The following XDH variants were observed in gnomAD, a reference collection of about 807,000 sequenced individuals.
XDH encodes the protein xanthine dehydrogenase/oxidase.
A neutral mutation model predicts 156.1 loss-of-function variants in XDH; 138 were observed. The ratio of observed to expected loss-of-function variants is 0.88; its 90% CI spans 0.77 to 1.02. The LOEUF (loss-of-function observed/expected upper bound fraction) is 1.02. Ranked by LOEUF, XDH falls within the 50% of genes least tolerant of loss-of-function variation. The pLI is 0.00. For missense variants in XDH, 1,849 were observed against 1,684.9 expected (o/e 1.10, Z -1.71); for synonymous variants, 669 against 625.7 (o/e 1.07, Z -1.03).
intron 15 of XDH, 130 bp from the exon 16 acceptor site, chr2:31,374,086 C>T: frequency 2.1e-6 from 2 of 941,556 alleles, no homozygotes; most frequent in Non-Finnish European, 3.3e-6. Context: ...CCTTTGAGTG[C>T]TGGCTGGATC....
At chr2:31,398,747 AG>A in intron 4 of XDH, 48 bp from the exon 5 acceptor site, 1 of 1,610,526 alleles carries the variant, frequency 6.2e-7, no homozygotes, top group Non-Finnish European at 8.5e-7. Flanking sequence ...GAACCCTCCC[AG>A]GCTCCCCAAA....
intron 24 of XDH, among the ~76,000 whole-genome samples, chr2:31,360,483 A>C (rs761115906): frequency 2.4e-4 from 36 of 152,188 alleles, no homozygotes; most frequent in Non-Finnish European, 4.7e-4. Flanking sequence ...CCTGGGTGAC[A>C]GAGTGAGACT....
At position 31,335,571 on chromosome 2, in the gene XDH, G is replaced by A; in HGVS notation, c.*387C>T. 1 of 318,412 alleles carries A rather than the reference G, an allele frequency of 3.1e-6. No homozygotes were observed. The highest frequency in any genetic ancestry group is 3.3e-5 in the South Asian group (1 of 30,514). The allele number at this position is 318,412 out of a possible 1,614,324, so 19.7% of individuals were successfully genotyped here. ...AGGCACACGATTTAAAGTAACTTCG[G>A]TTTAAGCTTCTAGAGGTTTGTGGGA... On this transcript the variant is annotated 3_prime_UTR_variant, in exon 36 of 36. Transcript: ENST00000379416.
chr2:31,355,879 C>G (rs951894787), intron 24 of XDH, among the ~76,000 whole-genome samples: 1 of 152,068 alleles, frequency 6.6e-6, no homozygotes, highest in African/African-American at 2.4e-5. Context: ...TCAAGAAAAT[C>G]ACTTCAAATA....
Position 31,401,269 on chromosome 2 carries a change from G to C in XDH, c.257C>G (p.Thr86Arg). 1 of 1,614,168 alleles carries C rather than the reference G, an allele frequency of 6.2e-7. No homozygotes were observed. Among genetic ancestry groups the C allele is most frequent in the East Asian group, 2.2e-5 (1 of 44,880 alleles). Residue 86 changes from threonine (T) to arginine (R), a missense_variant, in exon 4 of 36, where the codon ACA becomes AGA. Coordinates refer to ENST00000379416, the MANE Select transcript of XDH (RefSeq NM_000379.4). ...PICSLHHVAV[T>R]TVEGIGSTKT... ...GGTGCTTCCTATTCCTTCCACAGTT[G>C]TCACTGCAACATGGTGCAAGGAGCA...
chr2:31,341,708 T>G (rs778602875), intron 32 of XDH, among the ~76,000 whole-genome samples: 2 of 152,192 alleles, frequency 1.3e-5, no homozygotes, highest in Non-Finnish European at 2.9e-5. Flanking sequence ...GCTTTGAATC[T>G]GAGTCTGGGT....
chr2:31,365,237 T>A (rs1388013411), intron 23 of XDH, among the ~76,000 whole-genome samples: 1 of 152,196 alleles, frequency 6.6e-6, no homozygotes, highest in African/African-American at 2.4e-5. Flanking sequence ...TCCACAGAAG[T>A]CACGAATGCC....
chr2:31,360,782 AGT>A (rs1685756597), intron 24 of XDH, among the ~76,000 whole-genome samples: 1 of 148,652 alleles, frequency 6.7e-6, no homozygotes, highest in African/African-American at 2.6e-5. Context: ...CAAGGGGTTC[AGT>A]ACTATCTGAG....
chr2:31,371,011 C>T (rs1462924815), intron 17 of XDH, among the ~76,000 whole-genome samples: 5 of 152,186 alleles, frequency 3.3e-5, no homozygotes, highest in South Asian at 2.1e-4. Context: ...ACATGGAGCC[C>T]GGCTGTGCCA....
At chr2:31,366,186 A>G (rs1685911781) in intron 21 of XDH, 77 bp from the exon 22 acceptor site, 4 of 1,609,230 alleles carry the variant, frequency 2.5e-6, no homozygotes, top group African/African-American at 1.3e-5. Flanking sequence ...AGCCTGTCCA[A>G]CATGCATGGA....
Position 31,342,247 on chromosome 2 carries a change from T to C in XDH, c.3455A>G (p.His1152Arg). ...GCAAGCCACCCCATAGCTGAAGTAG[T>C]GGAAGGGGTTCCCTGAGTTAGTCTC... ...SFETNSGNPF[H>R]YFSYGVACSE... Residue 1152 changes from histidine (H) to arginine (R), a missense_variant, in exon 32 of 36, where the codon CAC (histidine) becomes CGC (arginine). Coordinates refer to ENST00000379416, the MANE Select transcript of XDH (RefSeq NM_000379.4). 1.9e-6 allele frequency: 3 copies of C among 1,614,154 alleles called. No individual in the cohort carries two copies. Among genetic ancestry groups the C allele is most frequent in the Non-Finnish European group, 2.5e-6 (3 of 1,180,010 alleles).
intron 17 of XDH, 45 bp downstream of exon 17, chr2:31,372,183 C>T (rs371495571): frequency 8.1e-6 from 13 of 1,613,724 alleles, no homozygotes; most frequent in Admixed American, 1.7e-5. Context: ...CTCCCAGTGG[C>T]CCCCTCACAG....
intron 6 of XDH, among the ~76,000 whole-genome samples, chr2:31,397,452 G>A (rs1490285974): frequency 1.3e-5 from 2 of 152,160 alleles, no homozygotes; most frequent in Non-Finnish European, 2.9e-5. Flanking sequence ...ACCATCACTG[G>A]CAGAAAGTCC....
intron 6 of XDH, among the ~76,000 whole-genome samples, chr2:31,391,322 T>G (rs1686755994): frequency 6.6e-6 from 1 of 152,226 alleles, no homozygotes. Flanking sequence ...TCTGTTCCAT[T>G]GATCTCTTTG....
Position 31,364,369 on chromosome 2 carries a change from G to A in XDH, c.2545-125C>T, listed in dbSNP as rs1018505. 0.75 allele frequency: 710,223 copies of A among 950,022 alleles called. 266,641 individuals are homozygous for A. Among genetic ancestry groups the A allele is most frequent in the East Asian group, 0.84 (34,059 of 40,526 alleles). The allele number at this position is 950,022 out of a possible 1,614,324, so 58.8% of individuals were successfully genotyped here. A position where few individuals can be genotyped will look rare whatever the true frequency, so the allele number is the denominator to read the frequency against. On this transcript the variant is annotated intron_variant, in intron 23 of 35. Transcript: ENST00000379416. Reference sequence around the variant, plus strand: ...AATAAACAGAACACCACATCATCCCGTGAAAAAAAGGTGACCTTCAGAAGT... The same window carrying A: ...AATAAACAGAACACCACATCATCCCATGAAAAAAAGGTGACCTTCAGAAGT...
At chr2:31,392,413 T>G (rs1266982272) in intron 6 of XDH, among the ~76,000 whole-genome samples, 1 of 151,430 alleles carries the variant, frequency 6.6e-6, no homozygotes, top group Non-Finnish European at 1.5e-5. Context: ...GTATTTTATT[T>G]TTATTATTTA....
At position 31,376,145 on chromosome 2, in the gene XDH, A is replaced by G. The variant is rs45584444; in HGVS notation, c.1428-591T>C. On this transcript the variant is annotated intron_variant, in intron 14 of 35. Transcript: ENST00000379416. ...ACTAATCACAGCCATAGTGGTAGCA[A>G]TAGTAGCAATAACAGAGCAGTAGTA... is the stretch of plus-strand genomic sequence containing the variant. Among the ~76,000 whole-genome samples the G allele has an allele frequency of 5.6e-3, 847 of 152,094 alleles. 2 individuals are homozygous for G. Among genetic ancestry groups the G allele is most frequent in the South Asian group, 0.01 (50 of 4,826 alleles).
intron 17 of XDH, 23 bp from the exon 18 acceptor site, chr2:31,370,501 G>A (rs2148770781): frequency 6.2e-7 from 1 of 1,613,850 alleles, no homozygotes; most frequent in East Asian, 2.2e-5. Context: ...GTGGTGTGAG[G>A]GGCCAGGTCA....
chr2:31,390,775 T>C (rs1311964668), intron 6 of XDH, among the ~76,000 whole-genome samples: 2 of 152,228 alleles, frequency 1.3e-5, no homozygotes, highest in South Asian at 2.1e-4. Context: ...GTCGAACTTA[T>C]ATGCTTACTG....
Sources: allele counts gnomAD v4.1 joint callset (sites outside exome capture counted in the v4.1 genomes callset), GRCh38; gene constraint gnomAD v4.1.1; transcripts MANE v1.5; gene names NCBI Gene and HGNC (gene_info 2026-07-23, HGNC 2026-07-21).